The following SLC16A7 variants were observed in gnomAD, a reference collection of about 807,000 sequenced individuals.
SLC16A7 encodes monocarboxylate transporter 2.
Under a neutral mutation model 34.9 loss-of-function variants are expected in SLC16A7, and 33 were observed. That is an observed-to-expected ratio of 0.94 (90% confidence interval 0.72 to 1.26). The LOEUF is 1.26. Among genes scored for constraint, SLC16A7 ranks in the 50% most tolerant of loss-of-function variants. The probability of loss-of-function intolerance (pLI) is 0.00; values close to 1 mark genes in which losing one functional copy is unlikely to be tolerated. For missense variants in SLC16A7, 573 were observed against 578.1 expected (o/e 0.99, Z 0.09); for synonymous variants, 201 against 206.6 (o/e 0.97, Z 0.23).
chr12:59,653,902 C>T (rs572968939), intron 1 of SLC16A7, among the ~76,000 whole-genome samples: 1 of 151,702 alleles, frequency 6.6e-6, no homozygotes, highest in Admixed American at 6.6e-5. Flanking sequence ...CTTTGCACTG[C>T]ACTGTACTAC....
At position 59,774,980 on chromosome 12, in the gene SLC16A7, A is replaced by G. The variant is rs761006555; in HGVS notation, c.685A>G (p.Thr229Ala). 3.1e-6 allele frequency: 5 copies of G among 1,613,930 alleles called. No homozygotes were observed. Among genetic ancestry groups the G allele is most frequent in the East Asian group, 2.2e-5 (1 of 44,872 alleles). ...AAAGAAAATCAAAACGAAGAAATCA[A>G]CTTGGGAAAAAGTTAATAAGTATTT... ...SPKKIKTKKS[T>A]WEKVNKYLDF... Residue 229 changes from threonine to alanine, a missense_variant, in exon 5 of 6, where the codon ACT becomes GCT. Physicochemically the swap from Thr to Ala is moderately conservative, Grantham distance 58. Transcript: ENST00000547379.
intron 1 of SLC16A7, among the ~76,000 whole-genome samples, chr12:59,615,481 A>AAG (rs1879407120): frequency 1.3e-5 from 2 of 152,280 alleles, no homozygotes; most frequent in South Asian, 4.1e-4. Flanking sequence ...TTTTTTTTAC[A>AAG]ATCTCTTGTA....
intron 2 of SLC16A7, among the ~76,000 whole-genome samples, chr12:59,676,348 C>T (rs1251920193): frequency 6.6e-6 from 1 of 151,806 alleles, no homozygotes; most frequent in African/African-American, 2.4e-5. Context: ...TTAAATTGAA[C>T]TTTTATTTTT....
intron 3 of SLC16A7, among the ~76,000 whole-genome samples, chr12:59,720,949 A>T (rs765196312): frequency 3.3e-5 from 5 of 151,868 alleles, no homozygotes; most frequent in African/African-American, 1.2e-4. Flanking sequence ...CCTACCATTA[A>T]TTTTTTTGTA....
chr12:59,598,537 A>G (rs1184646759), intron 1 of SLC16A7, among the ~76,000 whole-genome samples: 3 of 152,206 alleles, frequency 2.0e-5, no homozygotes, highest in Non-Finnish European at 4.4e-5. Context: ...AAGTAACTTG[A>G]AAGGAACTCC....
intron 2 of SLC16A7, among the ~76,000 whole-genome samples, chr12:59,669,714 G>T (rs551835071): frequency 7.2e-6 from 1 of 139,672 alleles, no homozygotes; most frequent in African/African-American, 2.7e-5. Context: ...AGAAACAAAG[G>T]CTATCAATAC....
chr12:59,601,073 T>C (rs769858535), intron 1 of SLC16A7, among the ~76,000 whole-genome samples: 43 of 152,342 alleles, frequency 2.8e-4, no homozygotes, highest in South Asian at 2.3e-3. Flanking sequence ...CAATAGAAAA[T>C]ATTTTGTGTA....
chr12:59,755,414 A>G (rs1880187977), intron 3 of SLC16A7, among the ~76,000 whole-genome samples: 1 of 152,236 alleles, frequency 6.6e-6, no homozygotes, highest in Non-Finnish European at 1.5e-5. Context: ...AAGTCTCAGG[A>G]TAGAAAATTA....
chr12:59,651,167 T>G lies in SLC16A7; in HGVS notation c.-129-3985T>G, dbSNP rs1250807848. Among the ~76,000 whole-genome samples the G allele has an allele frequency of 2.0e-5, 3 of 152,150 alleles. No homozygotes were observed. In the South Asian group the frequency reaches 6.2e-4, roughly 32 times the overall value. Reference sequence around the variant, plus strand: ...ATTTTCAATACACCACTAAACAAATTATATTTTTTCAATGTTTATTGATTT... The same window carrying G: ...ATTTTCAATACACCACTAAACAAATGATATTTTTTCAATGTTTATTGATTT... On this transcript the variant is annotated intron_variant, in intron 1 of 5. Transcript: ENST00000547379.
intron 2 of SLC16A7, among the ~76,000 whole-genome samples, chr12:59,693,896 C>A (rs1023901841): frequency 6.6e-6 from 1 of 151,824 alleles, no homozygotes; most frequent in Non-Finnish European, 1.5e-5. Context: ...GCAATTTGGT[C>A]ACCTACTAGA....
intron 2 of SLC16A7, among the ~76,000 whole-genome samples, chr12:59,670,326 G>T (rs1271483489): frequency 6.6e-6 from 1 of 152,048 alleles, no homozygotes; most frequent in African/African-American, 2.4e-5. Flanking sequence ...TACAAATAAG[G>T]TCACATTCTG....
At chr12:59,765,494 T>C (rs1881504296) in intron 3 of SLC16A7, among the ~76,000 whole-genome samples, 1 of 152,216 alleles carries the variant, frequency 6.6e-6, no homozygotes, top group African/African-American at 2.4e-5. Flanking sequence ...TAATATATCT[T>C]GAATTAATTT....
rs954701794 is a variant in SLC16A7, at chr12:59,596,262, A to AGAGGAGGAG, written c.-130+40_-130+48dup. 2 of 151,690 alleles carry AGAGGAGGAG rather than the reference A, an allele frequency of 1.3e-5. No individual in the cohort carries two copies. The highest frequency in any genetic ancestry group is 2.4e-5 in the African/African-American group (1 of 41,010). The allele number at this position is 151,690 out of a possible 1,614,324, so 9.4% of individuals were successfully genotyped here. Reference sequence around the variant, plus strand: ...GTAAGTACAGCTGGGGAGGGAGGGGAGAGGAGGAGGAGGAGGAGGAGGTGC... The same window carrying AGAGGAGGAG: ...GTAAGTACAGCTGGGGAGGGAGGGGAGAGGAGGAGGAGGAGGAGGAGGAGGAGGAGGTGC... On this transcript the variant is annotated intron_variant, in intron 1 of 5. Transcript: ENST00000547379. The surrounding 1 kb of genome is among the most constrained non-coding windows in gnomAD (Gnocchi z 5.0).
At chr12:59,700,374 T>A (rs1006765155) in intron 2 of SLC16A7, among the ~76,000 whole-genome samples, 4 of 151,460 alleles carry the variant, frequency 2.6e-5, no homozygotes, top group Non-Finnish European at 1.5e-5. Context: ...CATGTCTGAA[T>A]CTAAAATTAT....
At chr12:59,754,651 G>A (rs984392067) in intron 3 of SLC16A7, among the ~76,000 whole-genome samples, 5 of 152,234 alleles carry the variant, frequency 3.3e-5, no homozygotes, top group African/African-American at 1.2e-4. Context: ...GGACCAGATG[G>A]ATTCACAGCC....
intron 3 of SLC16A7, among the ~76,000 whole-genome samples, chr12:59,733,469 T>C (rs554104220): frequency 3.7e-4 from 56 of 152,220 alleles, no homozygotes; most frequent in African/African-American, 1.3e-3. Flanking sequence ...GTGAGGCTGC[T>C]GGCTGGACCG....
intron 3 of SLC16A7, among the ~76,000 whole-genome samples, chr12:59,751,655 A>G (rs1879580636): frequency 6.6e-6 from 1 of 152,226 alleles, no homozygotes. Flanking sequence ...CTGCCTCTGT[A>G]GGCTCCACCT....
intron 3 of SLC16A7, chr12:59,733,609 C>A (rs1877219445): frequency 4.7e-6 from 2 of 421,244 alleles, no homozygotes; most frequent in South Asian, 1.8e-5. Context: ...GACCTAAGGG[C>A]TTCCCAAAGG....
intron 2 of SLC16A7, among the ~76,000 whole-genome samples, chr12:59,697,941 A>G (rs1245340124): frequency 6.6e-6 from 1 of 151,832 alleles, no homozygotes; most frequent in Admixed American, 6.6e-5. Context: ...TATGCTAATA[A>G]CTATACTGAG....
Sources: gnomAD v4.1 joint callset for allele counts (sites outside exome capture counted in the v4.1 genomes callset) on GRCh38, gnomAD v4.1.1 for gene constraint, Gnocchi (gnomAD v3.1) non-coding constraint, MANE v1.5 for transcripts, NCBI Gene and HGNC (gene_info 2026-07-23, HGNC 2026-07-21) for gene names.